PIGB: variants seen among roughly 807,000 people sequenced by gnomAD.
PIGB encodes GPI alpha-1,2-mannosyltransferase 3.
PIGB carries 58 observed loss-of-function variants against 68.4 expected under a neutral mutation model. The ratio of observed to expected loss-of-function variants is 0.85; its 90% CI spans 0.69 to 1.06. The LOEUF is 1.06. PIGB is among the 50% of genes least tolerant of loss of function. PIGB has a pLI of 0.00. For synonymous variants in PIGB, 219 were observed against 220.5 expected (o/e 0.99, Z 0.06); for missense variants, 634 against 655.8 (o/e 0.97, Z 0.36).
intron 9 of PIGB, among the ~76,000 whole-genome samples, chr15:55,344,692 C>T (rs1445123083): frequency 6.6e-6 from 1 of 152,054 alleles, no homozygotes; most frequent in Non-Finnish European, 1.5e-5. Context: ...AACAATGTGC[C>T]TCATTTTCCT....
chr15:55,321,207 TAA>T (rs150311504), intron 2 of PIGB, 64 bp from the exon 3 acceptor site: 4,006 of 1,137,096 alleles, frequency 3.5e-3, no homozygotes, highest in South Asian at 7.0e-3. Context: ...GACCCCATCT[TAA>T]AAAAAAAAAA....
chr15:55,353,187 T>C (rs1417436001), intron 10 of PIGB, among the ~76,000 whole-genome samples: 3 of 152,228 alleles, frequency 2.0e-5, no homozygotes, highest in Non-Finnish European at 2.9e-5. Context: ...CCACACCTTT[T>C]CAAAGCACAC....
intron 10 of PIGB, among the ~76,000 whole-genome samples, chr15:55,353,511 G>A (rs2055974304): frequency 7.0e-6 from 1 of 142,562 alleles, no homozygotes; most frequent in Non-Finnish European, 1.5e-5. Flanking sequence ...TTTTTCCTAA[G>A]GCAATTATAA....
At chr15:55,355,079 T>G (rs2056044911) in intron 11 of PIGB, 101 bp downstream of exon 11, 1 of 1,045,344 alleles carries the variant, frequency 9.6e-7, no homozygotes, top group South Asian at 1.5e-5. Context: ...TATGGTCTGT[T>G]TCAACCCACA....
At chr15:55,336,548 T>C (rs1208538540) in intron 6 of PIGB, among the ~76,000 whole-genome samples, 2 of 152,224 alleles carry the variant, frequency 1.3e-5, no homozygotes, top group African/African-American at 4.8e-5. Flanking sequence ...TATTTCATAA[T>C]AAAATATTTG....
chr15:55,349,061 T>C (rs1384514837), intron 9 of PIGB, among the ~76,000 whole-genome samples: 1 of 152,008 alleles, frequency 6.6e-6, no homozygotes, highest in African/African-American at 2.4e-5. Context: ...TTTTATATTT[T>C]AGTAGAGATG....
At chr15:55,326,683 T>G (rs1364854155) in intron 3 of PIGB, among the ~76,000 whole-genome samples, 2 of 151,346 alleles carry the variant, frequency 1.3e-5, no homozygotes, top group Non-Finnish European at 2.9e-5. Flanking sequence ...TGGCTAACAT[T>G]GTGAAACCCC....
chr15:55,344,683 A>C (rs891100601), intron 9 of PIGB, among the ~76,000 whole-genome samples: 1 of 152,198 alleles, frequency 6.6e-6, no homozygotes, highest in African/African-American at 2.4e-5. Flanking sequence ...GAATTGTTCA[A>C]CAATGTGCCT....
Position 55,339,566 on chromosome 15 carries a change from T to G in PIGB, c.846+248T>G, listed in dbSNP as rs139496561. On this transcript the variant is annotated intron_variant, in intron 7 of 11. Coordinates refer to ENST00000164305, the MANE Select transcript of PIGB (RefSeq NM_004855.5). ...GTGAGCACTGAATGTTACCTGTTGC[T>G]GTTTCTGTCATTATTGTCAGCTTTA... Among the ~76,000 whole-genome samples, 200 of 152,370 alleles carry G rather than the reference T, an allele frequency of 1.3e-3. 2 individuals are homozygous for G. Among genetic ancestry groups the G allele is most frequent in the African/African-American group, 4.6e-3 (192 of 41,586 alleles).
chr15:55,347,983 CTTTTTTTTTT>C (rs576991463), intron 9 of PIGB, among the ~76,000 whole-genome samples: 2,345 of 94,032 alleles, frequency 0.025, 71 homozygotes, highest in African/African-American at 0.08. Flanking sequence ...GCCATAGTTT[CTTTTTTTTTT>C]TTTTTTTTTT....
At chr15:55,319,545 G>T in intron 1 of PIGB, 132 bp downstream of exon 1, 1 of 627,726 alleles carries the variant, frequency 1.6e-6, no homozygotes, top group Non-Finnish European at 2.6e-6. Flanking sequence ...GGGAAATGCT[G>T]GAAACACAGA....
At chr15:55,343,911 T>C (rs1363529496) in intron 9 of PIGB, among the ~76,000 whole-genome samples, 2 of 152,138 alleles carry the variant, frequency 1.3e-5, no homozygotes, top group East Asian at 3.9e-4. Flanking sequence ...AACAGTAGGA[T>C]CAGTTCTGTC....
At position 55,333,817 on chromosome 15, in the gene PIGB, A is replaced by G. The variant is rs1174172400; in HGVS notation, c.654-50A>G. On this transcript the variant is annotated intron_variant, in intron 5 of 11. Coordinates refer to ENST00000164305, the MANE Select transcript of PIGB (RefSeq NM_004855.5). ...TCAAATCACAGTGTAAATGATAGAT[A>G]ACTTCAAGTTAATTTCCCACTTGTC... 3.7e-6 allele frequency: 5 copies of G among 1,353,318 alleles called. No homozygotes were observed. In the South Asian group the frequency reaches 4.3e-5, roughly 12 times the overall value. The allele number at this position is 1,353,318 out of a possible 1,614,324, so 83.8% of individuals were successfully genotyped here.
At chr15:55,327,686 G>A (rs1366368024) in intron 4 of PIGB, 51 bp downstream of exon 4, 4 of 1,033,340 alleles carry the variant, frequency 3.9e-6, no homozygotes, top group Non-Finnish European at 5.9e-6. Flanking sequence ...CGTTCCTATG[G>A]GTATAAAGCA....
chr15:55,338,458 A>C (rs2141194852), intron 6 of PIGB, among the ~76,000 whole-genome samples: 1 of 152,158 alleles, frequency 6.6e-6, no homozygotes, highest in Admixed American at 6.5e-5. Context: ...CCAGTTGGGT[A>C]ATATAGTGAG....
chr15:55,349,148 A>G (rs1455298353), intron 9 of PIGB, among the ~76,000 whole-genome samples: 1 of 149,332 alleles, frequency 6.7e-6, no homozygotes, highest in African/African-American at 2.5e-5. Flanking sequence ...CTCCCAAAGT[A>G]CTGGGATTAC....
At chr15:55,355,080 T>A in intron 11 of PIGB, 102 bp downstream of exon 11, 5 of 1,036,530 alleles carry the variant, frequency 4.8e-6, no homozygotes, top group Non-Finnish European at 7.0e-6. Context: ...ATGGTCTGTT[T>A]CAACCCACAT....
Position 55,320,385 on chromosome 15 carries a change from G to T in PIGB, c.274G>T (p.Glu92Ter), listed in dbSNP as rs1259687282. Residue 92 changes from glutamate to a stop codon, truncating the protein, a stop_gained, in exon 2 of 12, where the codon GAA (glutamate) becomes TAA (stop). Coordinates refer to ENST00000164305, the MANE Select transcript of PIGB (RefSeq NM_004855.5). LOFTEE classifies it high-confidence loss of function. The stretch of plus-strand genomic sequence containing the variant: ...TCCAGATGAATACTGGCAGTCTCTT[G>T]AAGTTTCACATCACATGGTTTTCAA... ...FVPDEYWQSL[E>*]VSHHMVFNYG... 2 of 1,613,580 alleles carry T rather than the reference G, an allele frequency of 1.2e-6. No individual in the cohort carries two copies. The highest frequency in any genetic ancestry group is 4.5e-5 in the East Asian group (2 of 44,868).
intron 4 of PIGB, among the ~76,000 whole-genome samples, chr15:55,328,766 G>C (rs2055346737): frequency 6.6e-6 from 1 of 152,120 alleles, no homozygotes; most frequent in African/African-American, 2.4e-5. Flanking sequence ...CGGAGTTCGA[G>C]ACCAGCCTGG....
Sources: gnomAD v4.1 joint callset for allele counts (sites outside exome capture counted in the v4.1 genomes callset) on GRCh38, gnomAD v4.1.1 for gene constraint, MANE v1.5 for transcripts, NCBI Gene and HGNC (gene_info 2026-07-23, HGNC 2026-07-21) for gene names.